PPIA: variants seen among roughly 807,000 people sequenced by gnomAD.
The protein encoded by PPIA is peptidylprolyl isomerase A.
A neutral mutation model predicts 15.3 loss-of-function variants in PPIA; 2 were observed. That is an observed-to-expected ratio of 0.13 (90% CI 0.05 to 0.41). The LOEUF (loss-of-function observed/expected upper bound fraction) is 0.41, where lower values mean the gene tolerates loss of function less well. Among genes scored for constraint, PPIA ranks in the 10% least tolerant of loss-of-function variants. The pLI, the probability that PPIA is intolerant of heterozygous loss-of-function variation, is 0.99. For missense variants in PPIA, 103 were observed against 210.3 expected, an observed-to-expected ratio of 0.49 and a Z score of 3.16; for synonymous variants, 67 against 73.1, an observed-to-expected ratio of 0.92 and a Z score of 0.43.
rs769355426 is a variant in PPIA, at chr7:44,799,883, A to C, written c.362+9A>C. The C allele has an allele frequency of 5.6e-6, 9 of 1,607,734 alleles. 1 individual carries two copies. In the South Asian group the frequency reaches 9.9e-5, roughly 18 times the overall value. ...ACTGCCAAGACTGAGTGGTAAGGGT[A>C]CAACATGGCACACTAACCACCTGAC... On this transcript the variant is annotated intron_variant, in intron 4 of 4. Transcript: ENST00000468812.
intron 4 of PPIA, chr7:44,800,079 TG>T: frequency 1.6e-6 from 1 of 608,590 alleles, no homozygotes; most frequent in East Asian, 2.9e-5. Context: ...GGCCCTTAGC[TG>T]GGTGGTTGAA....
chr7:44,799,144 T>C, intron 1 of PPIA, 103 bp from the exon 2 acceptor site: 1 of 1,321,202 alleles, frequency 7.6e-7, no homozygotes, highest in South Asian at 1.3e-5. Flanking sequence ...ACTGAAGAAG[T>C]ATTCTAGTGA....
rs561066382 is a variant in PPIA at position 44,801,452 on chromosome 7, G to C, written c.*30G>C. 1.7e-5 allele frequency: 26 copies of C among 1,489,844 alleles called. No homozygotes were observed. The East Asian group carries it at 1.8e-4, about 10-fold the overall frequency. The allele number at this position is 1,489,844 out of a possible 1,614,324, so 92.3% of individuals were successfully genotyped here. A position where few individuals can be genotyped will look rare whatever the true frequency, so the allele number is the denominator to read the frequency against. On this transcript the variant is annotated 3_prime_UTR_variant, in exon 5 of 5. Coordinates refer to ENST00000468812, the MANE Select transcript of PPIA (RefSeq NM_021130.5). The stretch of plus-strand genomic sequence containing the variant: ...GACTTGTGTTTTATCTTAACCACCA[G>C]ATCATTCCTTCTGTAGCTCAGGAGA...
At position 44,799,252 on chromosome 7, in the gene PPIA, T is replaced by C. The variant is rs753542445; in HGVS notation, c.75T>C (p.Phe25=). 9.3e-6 allele frequency: 15 copies of C among 1,613,610 alleles called. No homozygotes were observed. The Admixed American group carries it at 1.7e-4, about 18-fold the overall frequency. The part of the protein sequence containing the change: ...EPLGRVSFEL[F]ADKVPKTAEN... ...ACTGTAATTTTCTCTTACAGCTGTT[T>C]GCAGACAAGGTCCCAAAGACAGCAG... The change falls in exon 2 of 5, where the codon TTT becomes TTC. Residue 25 remains phenylalanine (F), a synonymous_variant. Transcript: ENST00000468812.
rs1443028026 is a variant in PPIA, at chr7:44,801,996, A to C, written c.*574A>C. The C allele has an allele frequency of 6.4e-6, 1 of 155,244 alleles. No homozygotes were observed. The highest frequency in any genetic ancestry group is 1.9e-4 in the East Asian group (1 of 5,216). 9.6% of individuals were successfully genotyped at this position (155,244 alleles called of 1,614,324 possible). On this transcript the variant is annotated 3_prime_UTR_variant, in exon 5 of 5. Transcript: ENST00000468812. ...GGGAGGATTGCTTGAGCCTAGAGTG[A>C]GCTATTATCATGCCACTGTACAGCC... is the stretch of plus-strand genomic sequence containing the variant.
chr7:44,798,609 ACAAG>A (rs1792453398), intron 1 of PPIA: 1 of 446,720 alleles, frequency 2.2e-6, no homozygotes, highest in East Asian at 1.6e-4. Flanking sequence ...CTACTTTTAA[ACAAG>A]CTGTTTTTAT....
Position 44,800,398 on chromosome 7 carries a change from CTT to C in PPIA, c.362+538_362+539del, listed in dbSNP as rs57466816. 3.0e-3 allele frequency: 422 copies of C among 142,342 alleles called. 1 individual carries two copies. In the Middle Eastern group the frequency reaches 0.031, roughly 10 times the overall value. The allele number at this position is 142,342 out of a possible 1,614,324, so 8.8% of individuals were successfully genotyped here. On this transcript the variant is annotated intron_variant, in intron 4 of 4. Transcript: ENST00000468812. The stretch of plus-strand genomic sequence containing the variant: ...GCCACTGCGCCCAACCAATTAAGTG[CTT>C]TTTTTTTTTTTTTCTTTTCTCAGAC...
chr7:44,796,866 A>G (rs2116979196), intron 1 of PPIA, 73 bp downstream of exon 1: 1 of 1,481,912 alleles, frequency 6.7e-7, no homozygotes, highest in South Asian at 1.2e-5. Context: ...GTAGCGCCCC[A>G]AAGGCCCGGG....
intron 4 of PPIA, 87 bp from the exon 5 acceptor site, chr7:44,801,200 A>G: frequency 7.1e-7 from 1 of 1,413,276 alleles, no homozygotes; most frequent in Non-Finnish European, 9.6e-7. Flanking sequence ...AAAAAAAAAA[A>G]AAGCTACCTT....
intron 1 of PPIA, among the ~76,000 whole-genome samples, chr7:44,797,161 G>A (rs1216350266): frequency 6.6e-6 from 1 of 152,222 alleles, no homozygotes; most frequent in Non-Finnish European, 1.5e-5. Flanking sequence ...GGGCGCCGCA[G>A]ACCGGAGCCA....
At chr7:44,796,835 G>A (rs1341510778) in intron 1 of PPIA, 42 bp downstream of exon 1, 1 of 1,579,558 alleles carries the variant, frequency 6.3e-7, no homozygotes, top group Admixed American at 1.7e-5. Context: ...CCCAGAAAGT[G>A]GGCCGGGGTC....
chr7:44,796,896 A>AG, intron 1 of PPIA, 103 bp downstream of exon 1: 1 of 1,265,348 alleles, frequency 7.9e-7, no homozygotes, highest in South Asian at 1.5e-5. Context: ...ACCCTGCTTG[A>AG]GGGGCGAGCG....
chr7:44,796,742 G>C lies in PPIA; in HGVS notation c.18G>C (p.Val6=). The C allele has an allele frequency of 6.2e-7, 1 of 1,610,146 alleles. No homozygotes were observed. Among genetic ancestry groups the C allele is most frequent in the East Asian group, 2.3e-5 (1 of 44,272 alleles). The change falls in exon 1 of 5, where the codon GTG becomes GTC. Residue 6 remains valine, a synonymous_variant. Transcript: ENST00000468812. ...TATTAGCCATGGTCAACCCCACCGT[G>C]TTCTTCGACATTGCCGTCGACGGCG... The part of the protein sequence containing the change: MVNPT[V]FFDIAVDGEP...
Position 44,796,800 on chromosome 7 carries a change from C to T in PPIA, c.69+7C>T. 1 of 1,594,262 alleles carries T rather than the reference C, an allele frequency of 6.3e-7. No individual in the cohort carries two copies. The stretch of plus-strand genomic sequence containing the variant: ...GGGCCGCGTCTCCTTTGAGGTCGGG[C>T]GGGCGGCGGCGTGCGGGAATGGGGC... On this transcript the variant is annotated splice_region_variant and intron_variant, in intron 1 of 4. Coordinates refer to ENST00000468812, the MANE Select transcript of PPIA (RefSeq NM_021130.5).
chr7:44,801,231 C>T, intron 4 of PPIA, 56 bp from the exon 5 acceptor site: 1 of 1,583,870 alleles, frequency 6.3e-7, no homozygotes, highest in Non-Finnish European at 8.6e-7. Context: ...GTTCATGACA[C>T]ATGGAGGCTG....
chr7:44,800,847 T>G (rs1283256695), intron 4 of PPIA, among the ~76,000 whole-genome samples: 1 of 152,062 alleles, frequency 6.6e-6, no homozygotes, highest in Non-Finnish European at 1.5e-5. Context: ...AGATGGAGTT[T>G]CGCTCTGTCG....
intron 4 of PPIA, chr7:44,800,679 CA>C (rs1792525385): frequency 6.5e-6 from 1 of 154,588 alleles, no homozygotes; most frequent in Non-Finnish European, 1.4e-5. Flanking sequence ...GGATTACAGG[CA>C]TGAGCCACTG....
intron 3 of PPIA, 39 bp downstream of exon 3, chr7:44,799,519 C>T: frequency 6.2e-7 from 1 of 1,601,108 alleles, no homozygotes. Flanking sequence ...TTGGGTTGCT[C>T]CCTTCATTTG....
rs1393849023 is a variant in PPIA, at chr7:44,800,080, GGGTGGTTGAATTAGGTGCTACTTTTTTGA to G, written c.362+208_362+236del. 4.9e-6 allele frequency: 3 copies of G among 606,914 alleles called. No individual in the cohort carries two copies. In the African/African-American group the frequency reaches 5.6e-5, roughly 11 times the overall value. 37.6% of individuals were successfully genotyped at this position (606,914 alleles called of 1,614,324 possible). ...TATGATAGAAACTTGGCCCTTAGCT[GGGTGGTTGAATTAGGTGCTACTTTTTTGA>G]GATGGAGTTTTGCTCTGTTGCCAGG... On this transcript the variant is annotated intron_variant, in intron 4 of 4. Coordinates refer to ENST00000468812, the MANE Select transcript of PPIA (RefSeq NM_021130.5).
Sources: gnomAD v4.1 joint callset for allele counts (sites outside exome capture counted in the v4.1 genomes callset) on GRCh38, gnomAD v4.1.1 for gene constraint, MANE v1.5 for transcripts, NCBI Gene and HGNC (gene_info 2026-07-23, HGNC 2026-07-21) for gene names.